The following SUGCT variants were observed in gnomAD, a reference collection of about 807,000 sequenced individuals.
The protein encoded by SUGCT is succinyl-CoA:glutarate-CoA transferase, also known as succinyl-CoA:glutarate CoA-transferase.
Under a neutral mutation model 55.0 loss-of-function variants are expected in SUGCT, and 41 were observed. The ratio of observed to expected loss-of-function variants is 0.74; its 90% CI spans 0.58 to 0.97. The LOEUF is 0.97. SUGCT is among the 50% of genes least tolerant of loss of function. The pLI, the probability that SUGCT is intolerant of heterozygous loss-of-function variation, is 0.00. For missense variants in SUGCT, 568 were observed against 547.8 expected (o/e 1.04, Z -0.37); for synonymous variants, 187 against 200.4 (o/e 0.93, Z 0.56).
intron 12 of SUGCT, among the ~76,000 whole-genome samples, chr7:40,626,332 C>T (rs1799525617): frequency 6.6e-6 from 1 of 151,906 alleles, no homozygotes; most frequent in Non-Finnish European, 1.5e-5. Flanking sequence ...TCTTGGCTCA[C>T]TACAACCTCC....
chr7:40,846,598 C>A (rs1332023812), intron 13 of SUGCT, among the ~76,000 whole-genome samples: 2 of 152,042 alleles, frequency 1.3e-5, no homozygotes, highest in African/African-American at 4.8e-5. Flanking sequence ...TACAAGTTGC[C>A]CTGTTTCTTT....
chr7:40,216,200 C>T (rs996623034), intron 6 of SUGCT, among the ~76,000 whole-genome samples: 2 of 150,522 alleles, frequency 1.3e-5, no homozygotes, highest in Non-Finnish European at 3.0e-5. Flanking sequence ...TCACAAATAG[C>T]TTACAAGAAA....
chr7:40,917,961 C>T, the SUGCT span, among the ~76,000 whole-genome samples: 1 of 152,160 alleles, frequency 6.6e-6, no homozygotes, highest in African/African-American at 2.4e-5. Context: ...TGGATACAAT[C>T]ATTCAGTTCA....
At chr7:40,380,881 T>A (rs542192363) in intron 9 of SUGCT, among the ~76,000 whole-genome samples, 119 of 152,332 alleles carry the variant, frequency 7.8e-4, no homozygotes, top group African/African-American at 2.9e-3. Context: ...TTACTGTCTT[T>A]TTTTGAAATC....
intron 12 of SUGCT, among the ~76,000 whole-genome samples, chr7:40,730,131 G>A (rs972938512): frequency 7.9e-5 from 12 of 152,176 alleles, no homozygotes; most frequent in South Asian, 4.2e-4. Flanking sequence ...TTTTTGAGAC[G>A]GAGTCTTGCT....
chr7:40,822,342 C>A (rs961437818), intron 13 of SUGCT, among the ~76,000 whole-genome samples: 3 of 152,118 alleles, frequency 2.0e-5, no homozygotes, highest in Non-Finnish European at 4.4e-5. Flanking sequence ...TCTCGTTGAT[C>A]TGTCTAATAT....
chr7:41,008,374 G>T, the SUGCT span, among the ~76,000 whole-genome samples: 1 of 152,154 alleles, frequency 6.6e-6, no homozygotes, highest in Non-Finnish European at 1.5e-5. Context: ...GAACCTCCTG[G>T]CTCCAGCACC....
chr7:40,149,601 A>C (rs1487144885), intron 1 of SUGCT, among the ~76,000 whole-genome samples: 1 of 152,122 alleles, frequency 6.6e-6, no homozygotes, highest in Non-Finnish European at 1.5e-5. Context: ...TGGCCAACAT[A>C]ATGAAACCCT....
intron 7 of SUGCT, among the ~76,000 whole-genome samples, chr7:40,254,714 A>G (rs1199578481): frequency 6.6e-6 from 1 of 151,768 alleles, no homozygotes; most frequent in Non-Finnish European, 1.5e-5. Flanking sequence ...TTTATTTTGT[A>G]AAAGATCATG....
At chr7:41,008,338 A>T in the SUGCT span, among the ~76,000 whole-genome samples, 1 of 152,132 alleles carries the variant, frequency 6.6e-6, no homozygotes, top group African/African-American at 2.4e-5. Context: ...AGGGCATCTC[A>T]GGTCTCCACT....
chr7:40,771,883 G>A (rs1215610813), intron 13 of SUGCT, among the ~76,000 whole-genome samples: 2 of 152,106 alleles, frequency 1.3e-5, no homozygotes, highest in African/African-American at 4.8e-5. Context: ...CAGGGTATTC[G>A]ATGGAATACT....
chr7:40,461,473 C>A (rs749059473), intron 11 of SUGCT, among the ~76,000 whole-genome samples: 2 of 152,138 alleles, frequency 1.3e-5, no homozygotes, highest in African/African-American at 2.4e-5. Context: ...CTCTGAAATG[C>A]TTCTCAGAAT....
the SUGCT span, among the ~76,000 whole-genome samples, chr7:40,911,314 C>T: frequency 5.9e-5 from 9 of 152,162 alleles, no homozygotes; most frequent in Non-Finnish European, 1.2e-4. Flanking sequence ...AAATACTCTT[C>T]TGAACTTTGA....
the SUGCT span, among the ~76,000 whole-genome samples, chr7:41,020,577 T>C: frequency 5.3e-5 from 8 of 152,220 alleles, no homozygotes; most frequent in African/African-American, 1.9e-4. Flanking sequence ...AACTCATTCA[T>C]ATATGTATTT....
the SUGCT span, among the ~76,000 whole-genome samples, chr7:40,869,291 T>C: frequency 1.7e-3 from 260 of 152,300 alleles, 1 homozygote; most frequent in African/African-American, 6.0e-3. Flanking sequence ...TCAAACTCAT[T>C]AGGCTTCAGA....
the SUGCT span, among the ~76,000 whole-genome samples, chr7:41,033,284 T>G: frequency 6.6e-6 from 1 of 152,328 alleles, no homozygotes; most frequent in South Asian, 2.1e-4. Flanking sequence ...TCTTCTGTCT[T>G]GCTTTCCTTT....
chr7:40,744,985 T>A (rs1229226711), intron 12 of SUGCT, among the ~76,000 whole-genome samples: 1 of 152,210 alleles, frequency 6.6e-6, no homozygotes, highest in Non-Finnish European at 1.5e-5. Flanking sequence ...TATGACTGTG[T>A]TATGAAAAAG....
At chr7:40,789,363 T>C (rs1790195533) in intron 13 of SUGCT, among the ~76,000 whole-genome samples, 1 of 152,184 alleles carries the variant, frequency 6.6e-6, no homozygotes. Context: ...TCAGGCAGTC[T>C]TTATCCTGTG....
intron 12 of SUGCT, among the ~76,000 whole-genome samples, chr7:40,725,118 G>A (rs1786545498): frequency 6.6e-6 from 1 of 152,058 alleles, no homozygotes; most frequent in Non-Finnish European, 1.5e-5. Flanking sequence ...TCTCTTCCCA[G>A]GACTTAACAC....
Sources: allele counts gnomAD v4.1 joint callset (sites outside exome capture counted in the v4.1 genomes callset), GRCh38; gene constraint gnomAD v4.1.1; transcripts MANE v1.5; gene names NCBI Gene and HGNC (gene_info 2026-07-23, HGNC 2026-07-21).